PRDM11: variants seen among roughly 807,000 people sequenced by gnomAD.
The protein encoded by PRDM11 is PR domain-containing protein 11.
Under a neutral mutation model 97.8 loss-of-function variants are expected in PRDM11, and 20 were observed. That is an observed-to-expected ratio of 0.20 (90% CI 0.14 to 0.30). The LOEUF (loss-of-function observed/expected upper bound fraction) is 0.30, where lower values mean the gene tolerates loss of function less well. Among genes scored for constraint, PRDM11 ranks in the 10% least tolerant of loss-of-function variants. PRDM11 has a pLI of 1.00. For synonymous variants in PRDM11, 599 were observed against 637.7 expected, an observed-to-expected ratio of 0.94 and a Z score of 0.91; for missense variants, 1,139 against 1,555.2, an observed-to-expected ratio of 0.73 and a Z score of 4.50.
Position 45,224,208 on chromosome 11 carries a change from C to T in PRDM11, c.743-9C>T. Reference sequence around the variant, plus strand: ...CCCCATTTCCTTACACCCTGGTTTTCCTTCCTAGGAGAGAAGAGGTTGCAG... The same window carrying T: ...CCCCATTTCCTTACACCCTGGTTTTTCTTCCTAGGAGAGAAGAGGTTGCAG... On this transcript the variant is annotated splice_polypyrimidine_tract_variant and intron_variant, in intron 6 of 7. Coordinates refer to ENST00000683152, the MANE Select transcript of PRDM11 (RefSeq NM_001384648.1). 3.2e-6 allele frequency: 5 copies of T among 1,553,136 alleles called. No individual in the cohort carries two copies. Among genetic ancestry groups the T allele is most frequent in the Non-Finnish European group, 4.3e-6 (5 of 1,154,824 alleles).
intron 1 of PRDM11, among the ~76,000 whole-genome samples, chr11:45,116,224 T>C (rs1852300044): frequency 6.6e-6 from 1 of 152,144 alleles, no homozygotes; most frequent in Non-Finnish European, 1.5e-5. Context: ...TCTCAGAAAT[T>C]AACAGAACTA....
At chr11:45,112,192 C>A (rs1852196825) in intron 1 of PRDM11, among the ~76,000 whole-genome samples, 1 of 152,212 alleles carries the variant, frequency 6.6e-6, no homozygotes, top group Admixed American at 6.5e-5. Flanking sequence ...TGAGAACATA[C>A]AATATTTGGC....
upstream of PRDM11, chr11:45,146,604 G>A (rs1415104920): frequency 1.3e-5 from 2 of 152,084 alleles, no homozygotes; most frequent in African/African-American, 2.4e-5. Context: ...GGGGGTCCGC[G>A]TCTGCCCCAA....
At chr11:45,216,632 C>T (rs1265668863) in intron 5 of PRDM11, among the ~76,000 whole-genome samples, 1 of 152,162 alleles carries the variant, frequency 6.6e-6, no homozygotes, top group African/African-American at 2.4e-5. Context: ...TTGTGATTCA[C>T]CAAGAGTTGC....
chr11:45,110,126 C>A (rs1852141373), intron 1 of PRDM11, among the ~76,000 whole-genome samples: 1 of 152,174 alleles, frequency 6.6e-6, no homozygotes, highest in Non-Finnish European at 1.5e-5. Flanking sequence ...GTGCAAACAC[C>A]CCTGGGAGGG....
chr11:45,210,554 G>A (rs1270824137), intron 5 of PRDM11, among the ~76,000 whole-genome samples: 2 of 152,212 alleles, frequency 1.3e-5, no homozygotes, highest in African/African-American at 4.8e-5. Flanking sequence ...AGGGGCCCCA[G>A]GGAAGCAGCC....
At chr11:45,101,672 A>G (rs1851985001) in intron 1 of PRDM11, among the ~76,000 whole-genome samples, 1 of 143,536 alleles carries the variant, frequency 7.0e-6, no homozygotes, top group Non-Finnish European at 1.5e-5. Flanking sequence ...CTGGAGGCTG[A>G]GCGGAGGAAG....
intron 1 of PRDM11, among the ~76,000 whole-genome samples, chr11:45,105,311 C>G (rs1056302286): frequency 5.9e-5 from 9 of 152,222 alleles, no homozygotes; most frequent in Admixed American, 4.6e-4. Context: ...AGTACACATT[C>G]AGACCATAGC....
Position 45,226,855 on chromosome 11 carries a change from A to G in PRDM11, c.2230A>G (p.Met744Val). The G allele has an allele frequency of 6.5e-7, 1 of 1,533,894 alleles. No individual in the cohort carries two copies. The highest frequency in any genetic ancestry group is 1.2e-5 in the South Asian group (1 of 83,962). The change falls in exon 8 of 8, where the codon ATG becomes GTG. Residue 744 changes from methionine to valine, a missense_variant. Coordinates refer to ENST00000683152, the MANE Select transcript of PRDM11 (RefSeq NM_001384648.1). ...ANITASLRAS[M>V]FMTIRKTLPW... ...CATCACAGCCAGCCTCCGTGCCAGCATGTTCATGACCATCCGCAAGACGCT... is the reference window on the plus strand; with the variant it reads ...CATCACAGCCAGCCTCCGTGCCAGCGTGTTCATGACCATCCGCAAGACGCT...
In PRDM11 at chr11:45,204,789, C is replaced by T. The variant is rs371462382; in HGVS notation, c.554+11C>T. On this transcript the variant is annotated intron_variant, in intron 5 of 7. Transcript: ENST00000683152. ...AGCCAACTGGATGAGGTGAGCCCTG[C>T]TCTGCTGATGTCCCGGGGGTCTTGC... 6.2e-6 allele frequency: 10 copies of T among 1,603,380 alleles called. No homozygotes were observed. In the African/African-American group the frequency reaches 1.2e-4, roughly 19 times the overall value.
At chr11:45,170,948 C>G (rs1263284894) in intron 1 of PRDM11, among the ~76,000 whole-genome samples, 2 of 152,148 alleles carry the variant, frequency 1.3e-5, no homozygotes. Context: ...ACCAACCACC[C>G]CATCCCCCTC....
At chr11:45,094,837 GGAGGGAAGGAAGGGAGGAA>G (rs1851865622), upstream of PRDM11, among the ~76,000 whole-genome samples, 1 of 100,826 alleles carries the variant, frequency 9.9e-6, no homozygotes, top group African/African-American at 6.2e-5. Flanking sequence ...AAGGGAGGAA[GGAGGGAAGGAAGGGAGGAA>G]GGAGGGAAGG....
intron 6 of PRDM11, 61 bp from the exon 7 acceptor site, chr11:45,224,156 T>C (rs1196646994): frequency 6.6e-7 from 1 of 1,512,680 alleles, no homozygotes; most frequent in African/African-American, 1.4e-5. Flanking sequence ...CTTTGTTTTC[T>C]GTTGGTTTCT....
At chr11:45,154,294 T>G (rs1006697811) in intron 1 of PRDM11, among the ~76,000 whole-genome samples, 8 of 152,152 alleles carry the variant, frequency 5.3e-5, no homozygotes, top group Admixed American at 4.6e-4. Flanking sequence ...AGATCGAGGC[T>G]GTGATGAGCT....
intron 1 of PRDM11, among the ~76,000 whole-genome samples, chr11:45,098,722 T>C (rs1222169182): frequency 6.6e-6 from 1 of 152,082 alleles, no homozygotes; most frequent in African/African-American, 2.4e-5. Context: ...ACCTGGGTTG[T>C]ATTTTCCCAG....
chr11:45,180,064 G>C (rs1852429971), intron 1 of PRDM11, among the ~76,000 whole-genome samples: 1 of 152,250 alleles, frequency 6.6e-6, no homozygotes, highest in African/African-American at 2.4e-5. Context: ...GATACTGCAT[G>C]GTGAAGCCAA....
chr11:45,125,082 T>C (rs9794820), intron 1 of PRDM11, among the ~76,000 whole-genome samples: 121,798 of 151,548 alleles, frequency 0.8, 49,806 homozygotes, highest in Middle Eastern at 0.87. Flanking sequence ...GTGTATGTGT[T>C]GAGGAATTTA....
chr11:45,211,422 G>A (rs760521786), intron 5 of PRDM11, among the ~76,000 whole-genome samples: 2 of 152,164 alleles, frequency 1.3e-5, no homozygotes, highest in Non-Finnish European at 2.9e-5. Flanking sequence ...ATTTAATCCT[G>A]CCACAGGGAT....
intron 1 of PRDM11, among the ~76,000 whole-genome samples, chr11:45,180,707 G>C (rs1233524249): frequency 6.7e-6 from 1 of 149,778 alleles, no homozygotes; most frequent in African/African-American, 2.4e-5. Context: ...GGGCGGGCCG[G>C]GCCGGGCAGG....
Sources: gnomAD v4.1 joint callset for allele counts (sites outside exome capture counted in the v4.1 genomes callset) on GRCh38, gnomAD v4.1.1 for gene constraint, MANE v1.5 for transcripts, NCBI Gene and HGNC (gene_info 2026-07-23, HGNC 2026-07-21) for gene names.